Variants in SLC6A17 observed in about 807,000 individuals in gnomAD.
SLC6A17 encodes the protein solute carrier family 6 member 17, also known as sodium-dependent neutral amino acid transporter SLC6A17.
In SLC6A17, 21 loss-of-function variants were observed where a neutral mutation model predicts 64.5. The ratio of observed to expected loss-of-function variants is 0.33; its 90% CI spans 0.23 to 0.47. The LOEUF is 0.47. Ranked by LOEUF, SLC6A17 falls within the 20% of genes least tolerant of loss-of-function variation. The probability of loss-of-function intolerance (pLI) is 1.00; values close to 1 mark genes in which losing one functional copy is unlikely to be tolerated. For missense variants in SLC6A17, 682 were observed against 963.2 expected (o/e 0.71, Z 3.86); for synonymous variants, 372 against 399.5 (o/e 0.93, Z 0.82).
At position 110,176,695 on chromosome 1, in the gene SLC6A17, C is replaced by T. The variant is rs758382525; in HGVS notation, c.820C>T (p.Leu274=). 12 of 1,614,060 alleles carry T rather than the reference C, an allele frequency of 7.4e-6. No individual in the cohort carries two copies. The highest frequency in any genetic ancestry group is 1.0e-5 in the Non-Finnish European group (12 of 1,179,962). The change falls in exon 6 of 12, where the codon CTG becomes TTG. Residue 274 remains leucine, a synonymous_variant. Coordinates refer to ENST00000331565, the MANE Select transcript of SLC6A17 (RefSeq NM_001010898.4). ...CTGCTTCCTGGTCCGGGGGCTGTTG[C>T]TGCGAGGGGCAGTTGATGGCATCCT... ...LACFLVRGLL[L]RGAVDGILHM... is the part of the protein sequence containing the mutation.
At chr1:110,188,482 A>AT (rs1656745132) in intron 6 of SLC6A17, among the ~76,000 whole-genome samples, 1 of 152,146 alleles carries the variant, frequency 6.6e-6, no homozygotes, top group Non-Finnish European at 1.5e-5. Flanking sequence ...CCAGCAGATG[A>AT]TTTTGCCTCC....
At chr1:110,154,600 C>T (rs571376681) in intron 1 of SLC6A17, among the ~76,000 whole-genome samples, 55 of 152,310 alleles carry the variant, frequency 3.6e-4, no homozygotes, top group African/African-American at 1.3e-3. Context: ...GCTTTCTTGT[C>T]CTTTCCCTGC....
In SLC6A17 at chr1:110,194,610, C is replaced by G. The variant is rs534304175; in HGVS notation, c.1331C>G (p.Ala444Gly). 2 of 1,614,210 alleles carry G rather than the reference C, an allele frequency of 1.2e-6. No individual in the cohort carries two copies. Among genetic ancestry groups the G allele is most frequent in the Non-Finnish European group, 1.7e-6 (2 of 1,180,048 alleles). ...CAGGGCACAGGCCTGGCCTTCATCG[C>G]CTTCACTGAGGCCATGACGCACTTC... ...SVQGTGLAFI[A>G]FTEAMTHFPA... is the part of the protein sequence containing the mutation. Residue 444 changes from alanine to glycine, a missense_variant, in exon 9 of 12, where the codon GCC becomes GGC. Ala to Gly is a moderately conservative substitution (Grantham distance 60). Around this residue, in one of 3 missense-constraint regions of SLC6A17, gnomAD observed 415 missense variants for 603.8 expected, o/e 0.69. Transcript: ENST00000331565.
intron 2 of SLC6A17, among the ~76,000 whole-genome samples, chr1:110,170,575 C>T (rs767883618): frequency 3.9e-5 from 6 of 152,216 alleles, no homozygotes; most frequent in Admixed American, 1.3e-4. Flanking sequence ...CACCCAAAAC[C>T]AAGAGACCGA....
At chr1:110,195,504 G>A (rs1656937588) in intron 9 of SLC6A17, 82 bp from the exon 10 acceptor site, 1 of 1,537,250 alleles carries the variant, frequency 6.5e-7, no homozygotes, top group Admixed American at 1.8e-5. Context: ...TGTGATGGGA[G>A]GGGCCTGGGT....
intron 9 of SLC6A17, chr1:110,195,073 C>T (rs971537446): frequency 2.8e-5 from 13 of 469,342 alleles, no homozygotes; most frequent in African/African-American, 1.4e-4. Flanking sequence ...GGTGCTGAGT[C>T]GTCTTGGGCA....
chr1:110,174,518 C>T lies in SLC6A17; in HGVS notation c.572-261C>T, dbSNP rs185413510. ...AATTCAGCCTCACGTTTCCTCCCTT[C>T]CATAGAGAGACATGGGCAGCAGGAG... On this transcript the variant is annotated intron_variant, in intron 4 of 11. Transcript: ENST00000331565. 8.6e-3 allele frequency among the ~76,000 whole-genome samples: 1,309 copies of T among 152,328 alleles called. 7 individuals carry two copies. The highest frequency in any genetic ancestry group is 0.015 in the Non-Finnish European group (1,048 of 68,028).
chr1:110,193,080 G>C (rs1656873676), intron 8 of SLC6A17, among the ~76,000 whole-genome samples: 1 of 152,206 alleles, frequency 6.6e-6, no homozygotes, highest in African/African-American at 2.4e-5. Flanking sequence ...GCCCGTTGCT[G>C]TCTATCTCTT....
At chr1:110,165,234 T>C (rs1446923453) in intron 1 of SLC6A17, among the ~76,000 whole-genome samples, 1 of 152,142 alleles carries the variant, frequency 6.6e-6, no homozygotes, top group African/African-American at 2.4e-5. Flanking sequence ...CGTACTTCAC[T>C]TGTGTAGCAC....
chr1:110,173,908 TGGAG>T, intron 3 of SLC6A17, 61 bp from the exon 4 acceptor site: 1 of 1,515,166 alleles, frequency 6.6e-7, no homozygotes, highest in Non-Finnish European at 8.8e-7. Flanking sequence ...GGGCCTCGGG[TGGAG>T]CGTGGGGGCA....
Position 110,198,580 on chromosome 1 carries a change from C to G in SLC6A17, c.*136C>G, listed in dbSNP as rs1296310521. Reference sequence around the variant, plus strand: ...AGAAGAGAGGGTCTGCCCTGCCTCACTCCCCTCTTCAGTCCCAGTAGACTC... The same window carrying G: ...AGAAGAGAGGGTCTGCCCTGCCTCAGTCCCCTCTTCAGTCCCAGTAGACTC... On this transcript the variant is annotated 3_prime_UTR_variant, in exon 12 of 12. Transcript: ENST00000331565. 5.7e-6 allele frequency: 8 copies of G among 1,407,684 alleles called. No individual in the cohort carries two copies. The highest frequency in any genetic ancestry group is 7.6e-6 in the Non-Finnish European group (8 of 1,053,274). 87.2% of individuals were successfully genotyped at this position (1,407,684 alleles called of 1,614,324 possible).
chr1:110,176,826 G>A (rs1656389126), intron 6 of SLC6A17, 87 bp downstream of exon 6: 1 of 1,184,578 alleles, frequency 8.4e-7, no homozygotes, highest in Non-Finnish European at 1.2e-6. Context: ...GGAATTTAAT[G>A]CACTCCGAAC....
rs1169034207 is a variant in SLC6A17 at position 110,195,639 on chromosome 1, G to A, written c.1546G>A (p.Gly516Arg). ...GGGGCTGTTGTTCGTCCAGCGCTCC[G>A]GAAACTACTTTGTCACCATGTTCGA... Reference protein sequence around the residue: ...LVGLLFVQRSGNYFVTMFDDY... With the variant: ...LVGLLFVQRSRNYFVTMFDDY... Residue 516 changes from glycine to arginine, a missense_variant, in exon 10 of 12, where the codon GGA becomes AGA. Gly to Arg is a moderately radical substitution (Grantham distance 125). Coordinates refer to ENST00000331565, the MANE Select transcript of SLC6A17 (RefSeq NM_001010898.4). The A allele has an allele frequency of 3.1e-6, 5 of 1,614,068 alleles. No homozygotes were observed. The highest frequency in any genetic ancestry group is 4.2e-6 in the Non-Finnish European group (5 of 1,180,050).
At position 110,191,947 on chromosome 1, in the gene SLC6A17, C is replaced by T. The variant is rs1241958782; in HGVS notation, c.865-25C>T. On this transcript the variant is annotated intron_variant, in intron 6 of 11. Coordinates refer to ENST00000331565, the MANE Select transcript of SLC6A17 (RefSeq NM_001010898.4). ...CATCCCCTCTGTGTCTCTTTTCTTC[C>T]TCCTGCCTTGGTCTTCTGCCATAGC... is the stretch of plus-strand genomic sequence containing the variant. 3 of 1,607,070 alleles carry T rather than the reference C, an allele frequency of 1.9e-6. No homozygotes were observed. In the South Asian group the frequency reaches 3.3e-5, roughly 18 times the overall value.
chr1:110,172,555 A>C (rs887850517), intron 3 of SLC6A17: 6 of 212,010 alleles, frequency 2.8e-5, no homozygotes, highest in South Asian at 1.0e-4. Flanking sequence ...TTCTCTGCTT[A>C]TCAGTCCCTC....
At chr1:110,154,607 C>T (rs530726515) in intron 1 of SLC6A17, among the ~76,000 whole-genome samples, 1 of 152,322 alleles carries the variant, frequency 6.6e-6, no homozygotes, top group Non-Finnish European at 1.5e-5. Flanking sequence ...TGTCCTTTCC[C>T]TGCCCTTCTC....
At chr1:110,159,706 A>G (rs542880649) in intron 1 of SLC6A17, among the ~76,000 whole-genome samples, 90 of 152,308 alleles carry the variant, frequency 5.9e-4, no homozygotes, top group African/African-American at 2.1e-3. Context: ...AAAAGTCACA[A>G]AGGGATGGCC....
At position 110,191,073 on chromosome 1, in the gene SLC6A17, T is replaced by G. The variant is rs193166588; in HGVS notation, c.865-899T>G. ...ACTACGTACAGGCATTACTTGTTGC[T>G]ATACATTTGATCCTCACGTTCACTC... is the stretch of plus-strand genomic sequence containing the variant. On this transcript the variant is annotated intron_variant, in intron 6 of 11. Coordinates refer to ENST00000331565, the MANE Select transcript of SLC6A17 (RefSeq NM_001010898.4). Among the ~76,000 whole-genome samples, 423 of 152,344 alleles carry G rather than the reference T, an allele frequency of 2.8e-3. 4 individuals are homozygous for G. The highest frequency in any genetic ancestry group is 4.4e-3 in the Non-Finnish European group (300 of 68,024).
intron 4 of SLC6A17, 142 bp from the exon 5 acceptor site, chr1:110,174,636 TA>T: frequency 9.8e-7 from 1 of 1,021,394 alleles, no homozygotes; most frequent in Non-Finnish European, 1.4e-6. Flanking sequence ...AGATCCCGGC[TA>T]ACCCAAGATG....
Sources: gnomAD v4.1 joint callset for allele counts (sites outside exome capture counted in the v4.1 genomes callset) on GRCh38, gnomAD v4.1.1 for gene constraint, gnomAD v4.1.1 regional missense constraint, MANE v1.5 for transcripts, NCBI Gene and HGNC (gene_info 2026-07-23, HGNC 2026-07-21) for gene names.